ARHGEF7: variants seen among roughly 807,000 people sequenced by gnomAD.
ARHGEF7 encodes the protein PAK-interacting exchange factor beta.
ARHGEF7 carries 33 observed loss-of-function variants against 109.8 expected under a neutral mutation model. The observed-to-expected ratio is 0.30, with a 90% CI of 0.23 to 0.40. The LOEUF is 0.40. Ranked by LOEUF, ARHGEF7 falls within the 10% of genes least tolerant of loss-of-function variation. The probability of loss-of-function intolerance (pLI) is 1.00; values close to 1 mark genes in which losing one functional copy is unlikely to be tolerated. For missense variants in ARHGEF7, 938 were observed against 1,098.5 expected, an observed-to-expected ratio of 0.85 and a Z score of 2.07; for synonymous variants, 458 against 424.6, an observed-to-expected ratio of 1.08 and a Z score of -0.97.
At chr13:111,125,385 CT>C (rs34548328) in intron 1 of ARHGEF7, among the ~76,000 whole-genome samples, 80 of 143,946 alleles carry the variant, frequency 5.6e-4, no homozygotes, top group East Asian at 6.0e-4. Context: ...CTTGGAGCAG[CT>C]TTTTTTTTTT....
chr13:111,226,246 T>C (rs2085195114), intron 5 of ARHGEF7, among the ~76,000 whole-genome samples: 1 of 152,134 alleles, frequency 6.6e-6, no homozygotes, highest in South Asian at 2.1e-4. Context: ...GGTTAGTGCA[T>C]GAGGTTGAAG....
intron 2 of ARHGEF7, chr13:111,187,130 G>T (rs1475930930): frequency 8.0e-6 from 4 of 499,232 alleles, no homozygotes; most frequent in Non-Finnish European, 1.0e-5. Context: ...GTGCTACAGT[G>T]GTGTCCCTTA....
At position 111,148,846 on chromosome 13, in the gene ARHGEF7, T is replaced by A. The variant is rs1371381656; in HGVS notation, c.166-5059T>A. 2.6e-5 allele frequency among the ~76,000 whole-genome samples: 4 copies of A among 152,224 alleles called. No homozygotes were observed. In the East Asian group the frequency reaches 7.7e-4, roughly 29 times the overall value. ...GAGACCTAATCAAGATGTTAATAAATGATTTAAAATATTTTTAACTTACGA... is the reference window on the plus strand; with the variant it reads ...GAGACCTAATCAAGATGTTAATAAAAGATTTAAAATATTTTTAACTTACGA... On this transcript the variant is annotated intron_variant, in intron 1 of 21. Coordinates refer to ENST00000646102, the MANE Select transcript of ARHGEF7 (RefSeq NM_001354046.2).
intron 16 of ARHGEF7, among the ~76,000 whole-genome samples, chr13:111,284,230 G>A (rs1461429112): frequency 6.6e-6 from 1 of 152,160 alleles, no homozygotes; most frequent in Non-Finnish European, 1.5e-5. Flanking sequence ...GCCTGGCATT[G>A]TGCCTCTGTG....
chr13:111,256,519 G>GATCAGGCCTTTCTGC (rs2090441272), intron 8 of ARHGEF7, among the ~76,000 whole-genome samples: 1 of 152,144 alleles, frequency 6.6e-6, no homozygotes, highest in African/African-American at 2.4e-5. Context: ...AGCCTTTCTG[G>GATCAGGCCTTTCTGC]ATCAGATCTT....
chr13:111,216,332 TGTGG>T (rs1429872885), intron 4 of ARHGEF7, among the ~76,000 whole-genome samples: 1 of 151,892 alleles, frequency 6.6e-6, no homozygotes, highest in Admixed American at 6.6e-5. Context: ...TGTCAAGAAG[TGTGG>T]GTGGTCTCAG....
intron 16 of ARHGEF7, among the ~76,000 whole-genome samples, chr13:111,284,757 G>C (rs2092945248): frequency 6.6e-6 from 1 of 152,234 alleles, no homozygotes; most frequent in Admixed American, 6.5e-5. Flanking sequence ...TGATCTTGCA[G>C]GGTGTGAGAA....
intron 8 of ARHGEF7, among the ~76,000 whole-genome samples, chr13:111,261,807 A>G (rs2153576090): frequency 6.6e-6 from 1 of 152,346 alleles, no homozygotes; most frequent in Admixed American, 6.5e-5. Context: ...AGAAATCAAT[A>G]ATGAGGAATT....
chr13:111,244,113 A>T (rs2088335231), intron 7 of ARHGEF7, 86 bp from the exon 8 acceptor site: 1 of 1,237,182 alleles, frequency 8.1e-7, no homozygotes, highest in Non-Finnish European at 1.1e-6. Context: ...TTAGGTTAAG[A>T]CTTCAATAGG....
intron 4 of ARHGEF7, among the ~76,000 whole-genome samples, chr13:111,215,759 A>G (rs996270990): frequency 6.6e-6 from 1 of 152,138 alleles, no homozygotes; most frequent in Non-Finnish European, 1.5e-5. Context: ...CCGATTAACT[A>G]AGCTCTTGGA....
At chr13:111,277,826 G>T (rs749011569) in intron 13 of ARHGEF7, among the ~76,000 whole-genome samples, 153 bp downstream of exon 13, 44 of 152,200 alleles carry the variant, frequency 2.9e-4, no homozygotes, top group Non-Finnish European at 4.7e-4. Context: ...GCTCCTGTTT[G>T]TGTTTCGTTG....
intron 8 of ARHGEF7, chr13:111,265,854 A>T (rs1234451644): frequency 2.4e-6 from 1 of 410,846 alleles, no homozygotes; most frequent in African/African-American, 2.0e-5. Context: ...CCTTGATCTT[A>T]GGCTTCCAAC....
rs911454795 is a variant in ARHGEF7, at chr13:111,221,655, A to G, written c.670+3775A>G. On this transcript the variant is annotated intron_variant, in intron 5 of 21. Transcript: ENST00000646102. Reference sequence around the variant, plus strand: ...ATGTATCTCCCCTTTATATATATATATAACATGTATATATAATAAACTCCC... The same window carrying G: ...ATGTATCTCCCCTTTATATATATATGTAACATGTATATATAATAAACTCCC... 5.7e-5 allele frequency among the ~76,000 whole-genome samples: 8 copies of G among 140,828 alleles called. No individual in the cohort carries two copies. The East Asian group carries it at 1.4e-3, about 25-fold the overall frequency. 92.4% of individuals were successfully genotyped at this position (140,828 alleles called of 152,430 possible). A position where few individuals can be genotyped will look rare whatever the true frequency, so the allele number is the denominator to read the frequency against.
intron 21 of ARHGEF7, 40 bp from the exon 22 acceptor site, chr13:111,302,951 C>T (rs992817735): frequency 6.2e-7 from 1 of 1,610,036 alleles, no homozygotes; most frequent in African/African-American, 1.3e-5. Flanking sequence ...CTACGCGATG[C>T]CAAAGATAGT....
chr13:111,205,527 T>C (rs1179698498), intron 3 of ARHGEF7, among the ~76,000 whole-genome samples, 154 bp downstream of exon 3: 1 of 152,214 alleles, frequency 6.6e-6, no homozygotes, highest in Non-Finnish European at 1.5e-5. Flanking sequence ...TGCTGTGATA[T>C]TTTATTTGCC....
At chr13:111,120,969 C>T (rs831150) in intron 1 of ARHGEF7, among the ~76,000 whole-genome samples, 1 of 152,050 alleles carries the variant, frequency 6.6e-6, no homozygotes, top group South Asian at 2.1e-4. Context: ...GGGGAAGATT[C>T]GCAACCACTG....
At chr13:111,289,410 G>A (rs754554135) in intron 18 of ARHGEF7, among the ~76,000 whole-genome samples, 4 of 152,188 alleles carry the variant, frequency 2.6e-5, no homozygotes, top group Non-Finnish European at 5.9e-5. Context: ...CTGATGCAGC[G>A]TGCCTGTCAT....
intron 1 of ARHGEF7, among the ~76,000 whole-genome samples, 168 bp downstream of exon 1, chr13:111,115,859 G>T (rs1452033556): frequency 2.7e-5 from 4 of 149,824 alleles, no homozygotes; most frequent in African/African-American, 4.9e-5. Context: ...AGCTCGGGGG[G>T]CGCCATTGTG....
intron 3 of ARHGEF7, among the ~76,000 whole-genome samples, chr13:111,207,105 T>G (rs1170027684): frequency 6.6e-6 from 1 of 152,148 alleles, no homozygotes; most frequent in Non-Finnish European, 1.5e-5. Flanking sequence ...AAGTGGCATA[T>G]TCATGTGTCC....
Sources: gnomAD v4.1 joint callset for allele counts (sites outside exome capture counted in the v4.1 genomes callset) on GRCh38, gnomAD v4.1.1 for gene constraint, MANE v1.5 for transcripts, NCBI Gene and HGNC (gene_info 2026-07-23, HGNC 2026-07-21) for gene names.